AGBL4: variants seen among roughly 807,000 people sequenced by gnomAD.
AGBL4 encodes the protein AGBL carboxypeptidase 4.
A neutral mutation model predicts 66.4 loss-of-function variants in AGBL4; 58 were observed. That is an observed-to-expected ratio of 0.87 (90% CI 0.71 to 1.09). The LOEUF (loss-of-function observed/expected upper bound fraction) is 1.09, where lower values mean the gene tolerates loss of function less well. Ranked by LOEUF, AGBL4 falls within the 50% of genes least tolerant of loss-of-function variation. AGBL4 has a pLI of 0.00. For missense variants in AGBL4, 579 were observed against 631.0 expected, an observed-to-expected ratio of 0.92 and a Z score of 0.88; for synonymous variants, 234 against 222.9, an observed-to-expected ratio of 1.05 and a Z score of -0.44.
At chr1:49,282,114 G>A (rs970035200) in intron 3 of AGBL4, among the ~76,000 whole-genome samples, 1 of 152,156 alleles carries the variant, frequency 6.6e-6, no homozygotes, top group African/African-American at 2.4e-5. Context: ...CTACTCAGTT[G>A]GTGTCCATTG....
rs552756172 is a variant in AGBL4 at position 49,944,998 on chromosome 1, C to T, written c.34+78765G>A. ...TCAAAGGCAAGGTTTTTGAATTAACCCAATCCAACAAAGGCAAAGAAACAA... is the reference window on the plus strand; with the variant it reads ...TCAAAGGCAAGGTTTTTGAATTAACTCAATCCAACAAAGGCAAAGAAACAA... On this transcript the variant is annotated intron_variant, in intron 1 of 13. Transcript: ENST00000371839. Among the ~76,000 whole-genome samples the T allele has an allele frequency of 2.9e-3, 438 of 151,840 alleles. 2 individuals are homozygous for T. Among genetic ancestry groups the T allele is most frequent in the South Asian group, 0.015 (71 of 4,800 alleles).
intron 3 of AGBL4, among the ~76,000 whole-genome samples, chr1:49,431,575 C>G (rs1208134139): frequency 6.6e-6 from 1 of 152,104 alleles, no homozygotes; most frequent in African/African-American, 2.4e-5. Context: ...CCCGGTTTAT[C>G]AAGTGATTGA....
At chr1:49,954,083 C>G (rs1375252226) in intron 1 of AGBL4, among the ~76,000 whole-genome samples, 2 of 151,606 alleles carry the variant, frequency 1.3e-5, no homozygotes, top group Non-Finnish European at 2.9e-5. Flanking sequence ...TTGGTAGACA[C>G]AAGATCTCAC....
At chr1:49,785,891 A>ATAT (rs1553122696) in intron 2 of AGBL4, among the ~76,000 whole-genome samples, 2 of 89,368 alleles carry the variant, frequency 2.2e-5, no homozygotes, top group African/African-American at 7.2e-5. Flanking sequence ...CAGGAAAAAA[A>ATAT]AAATATATAT....
intron 4 of AGBL4, among the ~76,000 whole-genome samples, chr1:49,168,438 A>C (rs182173316): frequency 1.3e-5 from 2 of 152,316 alleles, no homozygotes; most frequent in Admixed American, 1.3e-4. Context: ...GATGCTACCA[A>C]TAACCCTATG....
At chr1:48,931,103 T>C (rs1335180233) in intron 5 of AGBL4, among the ~76,000 whole-genome samples, 1 of 152,222 alleles carries the variant, frequency 6.6e-6, no homozygotes, top group Non-Finnish European at 1.5e-5. Context: ...TGATTTTTAC[T>C]CAAATATTTC....
intron 6 of AGBL4, among the ~76,000 whole-genome samples, chr1:48,711,585 T>C (rs562907174): frequency 6.6e-6 from 1 of 152,140 alleles, no homozygotes; most frequent in African/African-American, 2.4e-5. Context: ...CAGCAATTGC[T>C]GCTCACCCCC....
chr1:49,912,129 CTG>C (rs1650900075), intron 1 of AGBL4, among the ~76,000 whole-genome samples: 1 of 152,252 alleles, frequency 6.6e-6, no homozygotes, highest in Admixed American at 6.5e-5. Context: ...TCCCCAGCCT[CTG>C]TCCCACAGGA....
intron 6 of AGBL4, among the ~76,000 whole-genome samples, chr1:48,663,766 A>C (rs980348256): frequency 4.6e-5 from 7 of 152,188 alleles, no homozygotes; most frequent in African/African-American, 7.2e-5. Context: ...CCATTTAATT[A>C]GCTCCTTTTG....
At chr1:49,316,405 G>T (rs552887878) in intron 3 of AGBL4, among the ~76,000 whole-genome samples, 1 of 151,552 alleles carries the variant, frequency 6.6e-6, no homozygotes, top group African/African-American at 2.4e-5. Context: ...AATTTTTTCC[G>T]TAAATCAAAA....
intron 3 of AGBL4, among the ~76,000 whole-genome samples, chr1:49,659,092 C>A (rs1434074669): frequency 6.6e-6 from 1 of 152,020 alleles, no homozygotes; most frequent in African/African-American, 2.4e-5. Flanking sequence ...GAAATAAAAT[C>A]TTTTTCAGAT....
chr1:49,906,433 C>T (rs1462499124), intron 1 of AGBL4, among the ~76,000 whole-genome samples: 3 of 152,034 alleles, frequency 2.0e-5, no homozygotes, highest in African/African-American at 4.8e-5. Context: ...TTTATATTTT[C>T]GTGGTTATAA....
intron 3 of AGBL4, among the ~76,000 whole-genome samples, chr1:49,430,181 A>C (rs1645755717): frequency 6.6e-6 from 1 of 151,938 alleles, no homozygotes; most frequent in South Asian, 2.1e-4. Flanking sequence ...TTCACCTCAG[A>C]TACTTCTCAA....
At chr1:49,085,976 A>T (rs1644900183) in intron 4 of AGBL4, among the ~76,000 whole-genome samples, 1 of 152,126 alleles carries the variant, frequency 6.6e-6, no homozygotes. Context: ...GTAAGATTGG[A>T]GCAAGATTGC....
intron 3 of AGBL4, among the ~76,000 whole-genome samples, chr1:49,409,657 A>G (rs1645277564): frequency 1.3e-5 from 2 of 152,226 alleles, no homozygotes; most frequent in African/African-American, 4.8e-5. Context: ...TTCTTAAGTT[A>G]GTAAAATTGC....
intron 4 of AGBL4, among the ~76,000 whole-genome samples, chr1:49,200,703 G>T (rs1647627979): frequency 6.6e-6 from 1 of 152,214 alleles, no homozygotes; most frequent in Non-Finnish European, 1.5e-5. Context: ...ACAGATGGAA[G>T]AGGTGCATAG....
At chr1:50,010,121 CAAGA>C in intron 1 of AGBL4, among the ~76,000 whole-genome samples, 1 of 151,966 alleles carries the variant, frequency 6.6e-6, no homozygotes, top group Non-Finnish European at 1.5e-5. Context: ...CCCTGGCTAA[CAAGA>C]TGAAACCGTG....
chr1:48,785,539 C>G (rs1288706413), intron 6 of AGBL4, among the ~76,000 whole-genome samples: 1 of 152,148 alleles, frequency 6.6e-6, no homozygotes, highest in East Asian at 1.9e-4. Flanking sequence ...TTAGCAACCA[C>G]TGGATAGTTA....
intron 1 of AGBL4, among the ~76,000 whole-genome samples, chr1:50,013,946 T>C (rs1426038340): frequency 1.3e-5 from 2 of 152,210 alleles, no homozygotes; most frequent in Non-Finnish European, 2.9e-5. Context: ...CATTTAAACA[T>C]GAAAACTGGG....
Sources: gnomAD v4.1 joint callset for allele counts (sites outside exome capture counted in the v4.1 genomes callset) on GRCh38, gnomAD v4.1.1 for gene constraint, MANE v1.5 for transcripts, NCBI Gene and HGNC (gene_info 2026-07-23, HGNC 2026-07-21) for gene names.